Variants in DOCK1 observed in about 807,000 individuals in gnomAD.
The protein encoded by DOCK1 is dedicator of cytokinesis 1.
A neutral mutation model predicts 262.7 loss-of-function variants in DOCK1; 138 were observed. That is an observed-to-expected ratio of 0.53 (90% CI 0.46 to 0.61). DOCK1 has a LOEUF of 0.61. DOCK1 is among the 20% of genes least tolerant of loss of function. The pLI is 0.00. For missense variants in DOCK1, 1,908 were observed against 2,370.7 expected, an observed-to-expected ratio of 0.80 and a Z score of 4.05; for synonymous variants, 866 against 867.4, an observed-to-expected ratio of 1.00 and a Z score of 0.03.
chr10:127,188,390 G>A (rs1469907600), intron 27 of DOCK1, among the ~76,000 whole-genome samples: 1 of 152,080 alleles, frequency 6.6e-6, no homozygotes, highest in African/African-American at 2.4e-5. Flanking sequence ...TTTTTTTTAT[G>A]TATATATATT....
chr10:127,106,100 C>T (rs1300411264), intron 23 of DOCK1, 131 bp from the exon 24 acceptor site: 21 of 894,624 alleles, frequency 2.3e-5, no homozygotes, highest in Middle Eastern at 2.2e-4. Context: ...TCGTGTTAGC[C>T]GTCAGCCCCT....
chr10:127,345,401 C>T (rs1242343685), intron 31 of DOCK1, among the ~76,000 whole-genome samples: 2 of 152,196 alleles, frequency 1.3e-5, no homozygotes, highest in Admixed American at 6.5e-5. Flanking sequence ...TAGAATGTGG[C>T]AAAGCAGCAT....
intron 23 of DOCK1, among the ~76,000 whole-genome samples, chr10:127,074,032 A>ATG (rs2135948221): frequency 6.6e-6 from 1 of 152,358 alleles, no homozygotes; most frequent in South Asian, 2.1e-4. Flanking sequence ...ATTGAGAAAC[A>ATG]TGTCAACTAC....
intron 23 of DOCK1, among the ~76,000 whole-genome samples, chr10:127,105,385 C>T (rs1477982874): frequency 6.6e-6 from 1 of 152,196 alleles, no homozygotes; most frequent in Non-Finnish European, 1.5e-5. Flanking sequence ...TATCATTACT[C>T]TGTTTTTTGA....
intron 35 of DOCK1, among the ~76,000 whole-genome samples, chr10:127,379,045 AT>A (rs1331773274): frequency 6.6e-6 from 1 of 152,214 alleles, no homozygotes; most frequent in African/African-American, 2.4e-5. Flanking sequence ...TGTCTCTGTA[AT>A]GGTGATATTC....
Position 127,418,380 on chromosome 10 carries a change from C to CA in DOCK1, c.4531_4532insA (p.Leu1511HisfsTer6). On this transcript the variant is annotated frameshift_variant, in exon 45 of 52. Coordinates refer to ENST00000623213, the MANE Select transcript of DOCK1 (RefSeq NM_001290223.2). LOFTEE classifies it high-confidence loss of function. Reference sequence around the variant, plus strand: ...CTCTTTGCAGGTGGAAATCAGCCCCCTGGAGAATGCCATTGAGACCATGCA... The same window carrying CA: ...CTCTTTGCAGGTGGAAATCAGCCCCCATGGAGAATGCCATTGAGACCATGCA... 1 of 1,611,550 alleles carries CA rather than the reference C, an allele frequency of 6.2e-7. No individual in the cohort carries two copies. Among genetic ancestry groups the CA allele is most frequent in the Non-Finnish European group, 8.5e-7 (1 of 1,178,492 alleles).
rs537318674 is a variant in DOCK1 at position 127,359,295 on chromosome 10, G to A, written c.3284-2769G>A. Among the ~76,000 whole-genome samples the A allele has an allele frequency of 8.5e-5, 13 of 152,312 alleles. No homozygotes were observed. In the South Asian group the frequency reaches 2.7e-3, roughly 32 times the overall value. ...GCCAGTGTGTCTTCTGTACTAATAA[G>A]GAGGGTGATAATAAAAGGTTAAGCT... On this transcript the variant is annotated intron_variant, in intron 32 of 51. Coordinates refer to ENST00000623213, the MANE Select transcript of DOCK1 (RefSeq NM_001290223.2).
chr10:127,360,421 G>A (rs757984262), intron 32 of DOCK1, among the ~76,000 whole-genome samples: 1 of 152,174 alleles, frequency 6.6e-6, no homozygotes, highest in Non-Finnish European at 1.5e-5. Context: ...CTGCCCAGTC[G>A]CCAGATTTCC....
At chr10:126,976,513 A>G (rs951651337) in intron 2 of DOCK1, among the ~76,000 whole-genome samples, 21 of 152,126 alleles carry the variant, frequency 1.4e-4, no homozygotes, top group Non-Finnish European at 7.3e-5. Flanking sequence ...CCTGGTTGTG[A>G]AAATTTTCAC....
In DOCK1 at chr10:126,990,438, G is replaced by T; in HGVS notation, c.325-17G>T. The T allele has an allele frequency of 1.3e-6, 2 of 1,590,674 alleles. No individual in the cohort carries two copies. The highest frequency in any genetic ancestry group is 1.7e-6 in the Non-Finnish European group (2 of 1,167,310). ...TTTTATAACAAAATCTTTCTGATTG[G>T]GTTTTTCCCCGTATAGCAAGATAAC... On this transcript the variant is annotated splice_polypyrimidine_tract_variant and intron_variant, in intron 5 of 51. Transcript: ENST00000623213.
chr10:127,279,907 A>G lies in DOCK1; in HGVS notation c.3044+22478A>G, dbSNP rs1198086316. ...TGGCGTTTTCTTAGTATCGCCATGT[A>G]ATAGAGTTCGAGAAAAGTGACCTTA... On this transcript the variant is annotated intron_variant, in intron 29 of 51. Transcript: ENST00000623213. Among the ~76,000 whole-genome samples the G allele has an allele frequency of 5.3e-5, 8 of 151,842 alleles. 1 individual carries two copies. The highest frequency in any genetic ancestry group is 1.7e-4 in the African/African-American group (7 of 41,406).
intron 49 of DOCK1, among the ~76,000 whole-genome samples, chr10:127,441,734 C>G (rs2070162577): frequency 6.6e-6 from 1 of 151,438 alleles, no homozygotes; most frequent in South Asian, 2.1e-4. Context: ...TGCCCTTCCC[C>G]CCTGCGGGCC....
At chr10:126,925,050 A>G (rs971272063) in intron 1 of DOCK1, among the ~76,000 whole-genome samples, 1 of 152,204 alleles carries the variant, frequency 6.6e-6, no homozygotes, top group African/African-American at 2.4e-5. Flanking sequence ...GGTTTAGAAA[A>G]TTCTCACTGG....
intron 7 of DOCK1, chr10:126,997,825 A>T (rs1165765024): frequency 6.9e-6 from 3 of 432,948 alleles, no homozygotes; most frequent in African/African-American, 2.0e-5. Flanking sequence ...ATATATAATC[A>T]TTATTTTGAT....
At chr10:127,059,718 G>A (rs868540305) in intron 22 of DOCK1, among the ~76,000 whole-genome samples, 1 of 151,530 alleles carries the variant, frequency 6.6e-6, no homozygotes, top group African/African-American at 2.4e-5. Flanking sequence ...TATTTTCCCT[G>A]TTCTCAAATA....
chr10:127,336,697 A>G (rs931815688), intron 29 of DOCK1, among the ~76,000 whole-genome samples: 12 of 151,874 alleles, frequency 7.9e-5, no homozygotes, highest in South Asian at 2.1e-4. Flanking sequence ...CCGCCACCAC[A>G]CCCAGCTAAT....
At chr10:127,179,818 C>A (rs1306286966) in intron 27 of DOCK1, among the ~76,000 whole-genome samples, 2 of 152,214 alleles carry the variant, frequency 1.3e-5, no homozygotes, top group Non-Finnish European at 2.9e-5. Flanking sequence ...TACAGTGTAG[C>A]ATTAACATTC....
intron 2 of DOCK1, 130 bp downstream of exon 2, chr10:126,970,915 T>A: frequency 2.1e-6 from 2 of 975,456 alleles, no homozygotes; most frequent in Non-Finnish European, 2.9e-6. Context: ...CAGGCTCCCT[T>A]TTCTTGCAGA....
At chr10:126,980,084 G>A (rs1321957649) in intron 3 of DOCK1, among the ~76,000 whole-genome samples, 1 of 152,156 alleles carries the variant, frequency 6.6e-6, no homozygotes, top group African/African-American at 2.4e-5. Flanking sequence ...TGCTATCATG[G>A]AAAGAAACCC....
Sources: allele counts gnomAD v4.1 joint callset (sites outside exome capture counted in the v4.1 genomes callset), GRCh38; gene constraint gnomAD v4.1.1; transcripts MANE v1.5; gene names NCBI Gene and HGNC (gene_info 2026-07-23, HGNC 2026-07-21).